The following CNTLN variants were observed in gnomAD, a reference collection of about 807,000 sequenced individuals.
CNTLN encodes centlein.
A neutral mutation model predicts 180.0 loss-of-function variants in CNTLN; 212 were observed. That is an observed-to-expected ratio of 1.18 (90% confidence interval 1.05 to 1.32). The LOEUF (loss-of-function observed/expected upper bound fraction) is 1.32. Ranked by LOEUF, CNTLN falls within the 40% of genes most tolerant of loss-of-function variation. The pLI is 0.00. For synonymous variants in CNTLN, 722 were observed against 563.1 expected, an observed-to-expected ratio of 1.28 and a Z score of -3.99; for missense variants, 2,095 against 1,610.9, an observed-to-expected ratio of 1.30 and a Z score of -5.14.
chr9:17,408,578 G>C (rs1827591289), intron 15 of CNTLN, among the ~76,000 whole-genome samples: 1 of 151,946 alleles, frequency 6.6e-6, no homozygotes, highest in African/African-American at 2.4e-5. Flanking sequence ...GAGACGGGCA[G>C]ATCACGAGGT....
At chr9:17,513,434 G>A in the CNTLN span, among the ~76,000 whole-genome samples, 6 of 152,102 alleles carry the variant, frequency 3.9e-5, no homozygotes, top group East Asian at 1.9e-4. Flanking sequence ...AGTGGCTCAC[G>A]CATGTAATCC....
chr9:17,280,411 C>T (rs559623462), intron 6 of CNTLN, among the ~76,000 whole-genome samples: 2 of 152,156 alleles, frequency 1.3e-5, no homozygotes, highest in South Asian at 4.1e-4. Context: ...GCTATGATGG[C>T]ATTTTTTTTT....
chr9:17,358,158 G>A (rs1178593895), intron 12 of CNTLN, among the ~76,000 whole-genome samples: 1 of 152,044 alleles, frequency 6.6e-6, no homozygotes, highest in Non-Finnish European at 1.5e-5. Context: ...GAAACAGGAT[G>A]CATGAATAAG....
intron 19 of CNTLN, among the ~76,000 whole-genome samples, chr9:17,458,041 T>G (rs756383239): frequency 6.6e-6 from 1 of 151,832 alleles, no homozygotes; most frequent in Non-Finnish European, 1.5e-5. Context: ...ATGTAATGCG[T>G]CAACATAAAC....
At chr9:17,263,151 C>T (rs1425681903) in intron 5 of CNTLN, among the ~76,000 whole-genome samples, 1 of 147,554 alleles carries the variant, frequency 6.8e-6, no homozygotes, top group African/African-American at 2.5e-5. Flanking sequence ...ATTAAGTCGT[C>T]ATTTAGCATT....
At chr9:17,263,775 G>C (rs1305569595) in intron 5 of CNTLN, among the ~76,000 whole-genome samples, 10 of 145,428 alleles carry the variant, frequency 6.9e-5, no homozygotes, top group Admixed American at 4.8e-4. Context: ...GTTTTGATTT[G>C]CATTTCTCTG....
intron 14 of CNTLN, among the ~76,000 whole-genome samples, chr9:17,390,082 G>A (rs1347540362): frequency 6.6e-6 from 1 of 152,030 alleles, no homozygotes; most frequent in East Asian, 1.9e-4. Flanking sequence ...CCTTGATCTT[G>A]GACTTCTAGA....
chr9:17,411,181 C>T (rs1827815004), intron 16 of CNTLN, among the ~76,000 whole-genome samples: 1 of 152,108 alleles, frequency 6.6e-6, no homozygotes, highest in African/African-American at 2.4e-5. Flanking sequence ...TTTCATTTTG[C>T]TTCATGTATC....
At chr9:17,211,572 T>G (rs557426271) in intron 2 of CNTLN, among the ~76,000 whole-genome samples, 316 of 151,402 alleles carry the variant, frequency 2.1e-3, no homozygotes, top group South Asian at 0.011. Context: ...TTTAAAGTAG[T>G]TTTTTCCAAT....
At chr9:17,295,059 C>T (rs973022878) in intron 6 of CNTLN, among the ~76,000 whole-genome samples, 8 of 151,988 alleles carry the variant, frequency 5.3e-5, no homozygotes, top group African/African-American at 7.2e-5. Context: ...GTGCACTGTC[C>T]GCGGCTGCTG....
intron 16 of CNTLN, among the ~76,000 whole-genome samples, chr9:17,412,061 A>G (rs917909807): frequency 1.3e-4 from 20 of 150,644 alleles, no homozygotes; most frequent in African/African-American, 4.9e-4. Flanking sequence ...AGTGGGGAAC[A>G]TTAACTAAGT....
At chr9:17,384,731 C>T (rs1240127180) in intron 13 of CNTLN, among the ~76,000 whole-genome samples, 1 of 152,134 alleles carries the variant, frequency 6.6e-6, no homozygotes, top group Non-Finnish European at 1.5e-5. Context: ...CATGGCAGTT[C>T]TTGCTGATTA....
chr9:17,489,635 A>G (rs998387690), intron 25 of CNTLN, among the ~76,000 whole-genome samples: 1 of 152,114 alleles, frequency 6.6e-6, no homozygotes, highest in East Asian at 1.9e-4. Flanking sequence ...CACAAAATAA[A>G]AAGCTGTTCT....
intron 10 of CNTLN, among the ~76,000 whole-genome samples, chr9:17,338,094 A>G (rs899364631): frequency 3.3e-5 from 5 of 151,534 alleles, no homozygotes; most frequent in African/African-American, 4.8e-5. Context: ...AATCTCTTCC[A>G]ATATAGTCTG....
intron 2 of CNTLN, among the ~76,000 whole-genome samples, chr9:17,172,367 C>T (rs1820475304): frequency 6.6e-6 from 1 of 152,160 alleles, no homozygotes; most frequent in Non-Finnish European, 1.5e-5. Flanking sequence ...TACACTTCTT[C>T]TTTGTTCCTA....
chr9:17,238,032 A>G (rs1449125876), intron 5 of CNTLN, among the ~76,000 whole-genome samples: 1 of 151,914 alleles, frequency 6.6e-6, no homozygotes, highest in Non-Finnish European at 1.5e-5. Flanking sequence ...TTTGGTGATA[A>G]TTTTTATTTC....
At chr9:17,225,625 G>C (rs1181182700) in intron 2 of CNTLN, among the ~76,000 whole-genome samples, 32 of 151,806 alleles carry the variant, frequency 2.1e-4, no homozygotes, top group Admixed American at 2.1e-3. Context: ...AGCTATATTT[G>C]TTTAAAAGCT....
chr9:17,140,167 T>G, intron 1 of CNTLN, among the ~76,000 whole-genome samples: 1 of 152,134 alleles, frequency 6.6e-6, no homozygotes, highest in East Asian at 1.9e-4. Context: ...TATATGAAAG[T>G]TTTTTTAGTA....
At chr9:17,366,810 C>T in intron 13 of CNTLN, 93 bp downstream of exon 13, 1 of 698,354 alleles carries the variant, frequency 1.4e-6, no homozygotes, top group Non-Finnish European at 2.4e-6. Flanking sequence ...GAATCTTACC[C>T]TTTTTGTTTC....
Sources: gnomAD v4.1 joint callset for allele counts (sites outside exome capture counted in the v4.1 genomes callset) on GRCh38, gnomAD v4.1.1 for gene constraint, MANE v1.5 for transcripts, NCBI Gene and HGNC (gene_info 2026-07-23, HGNC 2026-07-21) for gene names.